Variants in NRXN3 observed in about 807,000 individuals in gnomAD.
NRXN3 encodes the protein neurexin III.
Under a neutral mutation model 137.6 loss-of-function variants are expected in NRXN3, and 32 were observed. The observed-to-expected ratio is 0.23, with a 90% CI of 0.18 to 0.31. NRXN3 has a LOEUF of 0.31. Among genes scored for constraint, NRXN3 ranks in the 10% least tolerant of loss-of-function variants. The pLI is 1.00. For missense variants in NRXN3, 1,574 were observed against 2,062.5 expected, an observed-to-expected ratio of 0.76 and a Z score of 4.59; for synonymous variants, 798 against 784.5, an observed-to-expected ratio of 1.02 and a Z score of -0.29.
At chr14:79,210,576 A>T (rs1207542320) in intron 15 of NRXN3, among the ~76,000 whole-genome samples, 1 of 152,182 alleles carries the variant, frequency 6.6e-6, no homozygotes, top group Non-Finnish European at 1.5e-5. Context: ...GCTTGAATTT[A>T]TGAGATATTA....
chr14:79,719,404 A>ATATATATGTGTGTATG (rs915582396), intron 19 of NRXN3, among the ~76,000 whole-genome samples: 4 of 149,810 alleles, frequency 2.7e-5, no homozygotes, highest in Non-Finnish European at 5.9e-5. Context: ...ATATGTGTGT[A>ATATATATGTGTGTATG]TATATATATA....
chr14:78,500,757 T>G (rs2095863667), intron 4 of NRXN3, among the ~76,000 whole-genome samples: 1 of 152,184 alleles, frequency 6.6e-6, no homozygotes, highest in South Asian at 2.1e-4. Flanking sequence ...ATGTTTCTAC[T>G]CAATACTATT....
intron 8 of NRXN3, among the ~76,000 whole-genome samples, chr14:78,759,692 G>T (rs2098684937): frequency 6.6e-6 from 1 of 152,152 alleles, no homozygotes; most frequent in Non-Finnish European, 1.5e-5. Context: ...TCCATTCAGC[G>T]AATAAATGTT....
At chr14:78,452,929 A>G (rs2094585241) in intron 4 of NRXN3, among the ~76,000 whole-genome samples, 1 of 152,252 alleles carries the variant, frequency 6.6e-6, no homozygotes, top group South Asian at 2.1e-4. Context: ...ACTTCATAAA[A>G]TATGTTAATT....
chr14:78,495,057 T>TGTAC (rs767481912), intron 4 of NRXN3, among the ~76,000 whole-genome samples: 6 of 151,784 alleles, frequency 4.0e-5, no homozygotes, highest in Non-Finnish European at 7.4e-5. Flanking sequence ...AGGTCCCTGG[T>TGTAC]GTACCCTGGG....
intron 15 of NRXN3, among the ~76,000 whole-genome samples, chr14:79,251,178 A>T (rs2075870824): frequency 1.3e-5 from 2 of 152,204 alleles, no homozygotes; most frequent in African/African-American, 4.8e-5. Flanking sequence ...CAGTGAAATT[A>T]TGTGGGCTGC....
intron 8 of NRXN3, among the ~76,000 whole-genome samples, chr14:78,784,600 C>G (rs980910457): frequency 6.6e-6 from 1 of 152,146 alleles, no homozygotes; most frequent in Non-Finnish European, 1.5e-5. Context: ...TGAAGTTATT[C>G]CCAGTGCATT....
chr14:79,116,990 G>T (rs1384260025), intron 15 of NRXN3, among the ~76,000 whole-genome samples: 2 of 152,144 alleles, frequency 1.3e-5, no homozygotes, highest in African/African-American at 4.8e-5. Context: ...TGAGCAAACT[G>T]GTTTTGGTAA....
At chr14:78,191,915 G>C (rs575473890) in intron 1 of NRXN3, among the ~76,000 whole-genome samples, 5 of 152,198 alleles carry the variant, frequency 3.3e-5, no homozygotes, top group Admixed American at 1.3e-4. Context: ...GCCCTGGTGA[G>C]GGGGGGAGGG....
At chr14:78,620,024 C>T (rs904662772) in intron 4 of NRXN3, among the ~76,000 whole-genome samples, 9 of 152,132 alleles carry the variant, frequency 5.9e-5, no homozygotes, top group African/African-American at 2.2e-4. Context: ...TAAATGTTGG[C>T]TGCTTAAGTC....
intron 15 of NRXN3, among the ~76,000 whole-genome samples, chr14:79,251,892 C>T (rs1597838565): frequency 1.3e-5 from 2 of 151,430 alleles, no homozygotes; most frequent in South Asian, 4.2e-4. Flanking sequence ...GATCATGGCT[C>T]ACTGCAGCCT....
Position 79,087,789 on chromosome 14 carries a change from A to G in NRXN3, c.3262+99648A>G, listed in dbSNP as rs1595825970. 3.3e-5 allele frequency among the ~76,000 whole-genome samples: 5 copies of G among 152,344 alleles called. No individual in the cohort carries two copies. The South Asian group carries it at 1.0e-3, about 32-fold the overall frequency. ...CATACGCACAACTCTTTGAGCAAGA[A>G]ATATCAGGCAACCGCTGCCATCTTA... On this transcript the variant is annotated intron_variant, in intron 15 of 20. Transcript: ENST00000335750.
chr14:78,796,141 C>T (rs752417972), intron 8 of NRXN3, among the ~76,000 whole-genome samples: 6 of 152,146 alleles, frequency 3.9e-5, no homozygotes, highest in Admixed American at 1.3e-4. Flanking sequence ...ATCCAGCCCC[C>T]GTTTATAGGG....
At chr14:78,846,412 A>G (rs148409646) in intron 10 of NRXN3, among the ~76,000 whole-genome samples, 54 of 152,248 alleles carry the variant, frequency 3.5e-4, no homozygotes, top group African/African-American at 1.2e-3. Flanking sequence ...CATACGGTTA[A>G]TTATGACAAT....
intron 15 of NRXN3, among the ~76,000 whole-genome samples, chr14:79,351,433 T>C (rs2093202497): frequency 1.3e-5 from 2 of 152,338 alleles, no homozygotes; most frequent in African/African-American, 2.4e-5. Flanking sequence ...TTCTTTCACA[T>C]TAAATGCAAC....
intron 16 of NRXN3, among the ~76,000 whole-genome samples, chr14:79,493,543 T>C (rs988753952): frequency 2.0e-5 from 3 of 152,020 alleles, no homozygotes; most frequent in Admixed American, 6.5e-5. Context: ...GTCAAACATA[T>C]AGAAAAAAAG....
At chr14:79,324,674 G>A (rs748502129) in intron 15 of NRXN3, among the ~76,000 whole-genome samples, 3 of 152,162 alleles carry the variant, frequency 2.0e-5, no homozygotes, top group Non-Finnish European at 4.4e-5. Context: ...TTTGGGATTG[G>A]GTGGAGGGAA....
intron 4 of NRXN3, among the ~76,000 whole-genome samples, chr14:78,522,352 A>G (rs1217481303): frequency 1.3e-5 from 2 of 152,344 alleles, no homozygotes; most frequent in African/African-American, 4.8e-5. Flanking sequence ...GCCTAACTCT[A>G]AATTCCATAC....
intron 15 of NRXN3, among the ~76,000 whole-genome samples, chr14:79,434,382 T>C (rs1402254115): frequency 6.6e-6 from 1 of 151,998 alleles, no homozygotes; most frequent in Non-Finnish European, 1.5e-5. Context: ...TTAATAAAAA[T>C]GTAAATCCTC....
Sources: gnomAD v4.1 joint callset for allele counts (sites outside exome capture counted in the v4.1 genomes callset) on GRCh38, gnomAD v4.1.1 for gene constraint, MANE v1.5 for transcripts, NCBI Gene and HGNC (gene_info 2026-07-23, HGNC 2026-07-21) for gene names.